IGBP1C: variants seen among roughly 807,000 people sequenced by gnomAD.
IGBP1C encodes the protein IGBP1 family member C.
At chr17:58,688,683 C>G in the IGBP1C span, among the ~76,000 whole-genome samples, 1 of 152,068 alleles carries the variant, frequency 6.6e-6, no homozygotes, top group African/African-American at 2.4e-5. Flanking sequence ...TGGTAACTTC[C>G]AGACATGTGA....
chr17:58,666,458 C>CAAAAAAAAAAA, the IGBP1C span: 10 of 36,832 alleles, frequency 2.7e-4, 1 homozygote, highest in Non-Finnish European at 3.3e-4. Context: ...CCTTCCACGG[C>CAAAAAAAAAAA]AAAAAAAAAA....
At chr17:58,666,459 A>AAAC in the IGBP1C span, 65 of 6,306 alleles carry the variant, frequency 0.01, no homozygotes, top group Non-Finnish European at 0.032. Flanking sequence ...CTTCCACGGC[A>AAAC]AAAAAAAAAA....
At chr17:58,685,122 A>G in the IGBP1C span, among the ~76,000 whole-genome samples, 3 of 152,222 alleles carry the variant, frequency 2.0e-5, no homozygotes, top group Non-Finnish European at 1.5e-5. Flanking sequence ...ACATGTTACC[A>G]AAGTCAGAAT....
the IGBP1C span, among the ~76,000 whole-genome samples, chr17:58,665,981 G>A: frequency 1.3e-5 from 2 of 151,778 alleles, no homozygotes; most frequent in African/African-American, 2.4e-5. Flanking sequence ...CCTAGGAGGC[G>A]GAGGTTGCAG....
chr17:58,662,413 TCTCACACACACACACACA>T, the IGBP1C span, among the ~76,000 whole-genome samples: 19 of 127,740 alleles, frequency 1.5e-4, no homozygotes, highest in Non-Finnish European at 1.3e-4. Context: ...AGCACACATA[TCTCACACACACACACACA>T]CACACACACA....
At chr17:58,664,420 G>T in the IGBP1C span, among the ~76,000 whole-genome samples, 1 of 152,068 alleles carries the variant, frequency 6.6e-6, no homozygotes, top group Non-Finnish European at 1.5e-5. Context: ...TCATATTCTT[G>T]AATTTCTTTG....
chr17:58,680,951 G>A, the IGBP1C span, among the ~76,000 whole-genome samples: 1 of 152,038 alleles, frequency 6.6e-6, no homozygotes, highest in Non-Finnish European at 1.5e-5. Context: ...CAAGCTCACG[G>A]TTTTCCATCT....
At chr17:58,686,521 T>C in the IGBP1C span, among the ~76,000 whole-genome samples, 1 of 152,082 alleles carries the variant, frequency 6.6e-6, no homozygotes, top group Non-Finnish European at 1.5e-5. Flanking sequence ...GGGCTAGAAA[T>C]ACAAATTTGA....
chr17:58,660,825 C>A, the IGBP1C span: 3 of 783,530 alleles, frequency 3.8e-6, no homozygotes, highest in African/African-American at 1.7e-5. Context: ...GGATAGCCAG[C>A]GCCAAATACT....
At chr17:58,689,213 C>T in the IGBP1C span, among the ~76,000 whole-genome samples, 1 of 151,784 alleles carries the variant, frequency 6.6e-6, no homozygotes, top group Non-Finnish European at 1.5e-5. Context: ...AGGCGTGAGA[C>T]ATCACGCTCA....
chr17:58,669,733 CAAAA>C, the IGBP1C span, among the ~76,000 whole-genome samples: 6 of 56,298 alleles, frequency 1.1e-4, no homozygotes, highest in East Asian at 1.0e-3. Context: ...GACTCCGTCT[CAAAA>C]AAAAAAAAAA....
At chr17:58,684,200 G>A in the IGBP1C span, among the ~76,000 whole-genome samples, 1 of 151,978 alleles carries the variant, frequency 6.6e-6, no homozygotes. Context: ...ACTCACGTGA[G>A]CCTATAATCC....
At chr17:58,687,142 C>T in the IGBP1C span, among the ~76,000 whole-genome samples, 2 of 152,140 alleles carry the variant, frequency 1.3e-5, no homozygotes, top group Non-Finnish European at 1.5e-5. Context: ...AGCAAACTCA[C>T]GACTGCTCCT....
the IGBP1C span, among the ~76,000 whole-genome samples, chr17:58,676,123 C>T: frequency 6.6e-6 from 1 of 152,108 alleles, no homozygotes; most frequent in Non-Finnish European, 1.5e-5. Flanking sequence ...CGCCTGTGAT[C>T]CCAGCACTTT....
chr17:58,684,393 C>T, the IGBP1C span, among the ~76,000 whole-genome samples: 102 of 150,852 alleles, frequency 6.8e-4, 1 homozygote, highest in African/African-American at 2.4e-3. Context: ...ACACGGGAGG[C>T]GGAGGTTGGA....
At chr17:58,691,524 G>A in the IGBP1C span, among the ~76,000 whole-genome samples, 1 of 151,774 alleles carries the variant, frequency 6.6e-6, no homozygotes. Flanking sequence ...AAAATTAGCC[G>A]GGCATGGTGG....
chr17:58,666,458 C>CAAACAAAAAAAAAAAAA, the IGBP1C span: 1 of 36,812 alleles, frequency 2.7e-5, no homozygotes, highest in Non-Finnish European at 4.7e-5. Context: ...CCTTCCACGG[C>CAAACAAAAAAAAAAAAA]AAAAAAAAAA....
chr17:58,674,957 C>T, the IGBP1C span, among the ~76,000 whole-genome samples: 1 of 151,568 alleles, frequency 6.6e-6, no homozygotes, highest in African/African-American at 2.4e-5. Context: ...ACCAGCCTGG[C>T]CAACATGACG....
chr17:58,665,550 C>G, the IGBP1C span, among the ~76,000 whole-genome samples: 1 of 149,276 alleles, frequency 6.7e-6, no homozygotes, highest in Non-Finnish European at 1.5e-5. Context: ...GAGCCGAGAT[C>G]GCGCCACTGC....
Sources: allele counts gnomAD v4.1 joint callset (sites outside exome capture counted in the v4.1 genomes callset), GRCh38; gene constraint gnomAD v4.1.1; transcripts MANE v1.5; gene names NCBI Gene and HGNC (gene_info 2026-07-23, HGNC 2026-07-21).